Variants in ABCB4 observed in about 807,000 individuals in gnomAD.
ABCB4 encodes phosphatidylcholine translocator ABCB4.
Under a neutral mutation model 145.7 loss-of-function variants are expected in ABCB4, and 76 were observed. The observed-to-expected ratio is 0.52, with a 90% CI of 0.43 to 0.63. The LOEUF (loss-of-function observed/expected upper bound fraction) is 0.63. Among genes scored for constraint, ABCB4 ranks in the 30% least tolerant of loss-of-function variants. The probability of loss-of-function intolerance (pLI) is 0.00; values close to 1 mark genes in which losing one functional copy is unlikely to be tolerated. For missense variants in ABCB4, 1,234 were observed against 1,553.1 expected (o/e 0.79, Z 3.45); for synonymous variants, 517 against 566.8 (o/e 0.91, Z 1.25).
intron 2 of ABCB4, among the ~76,000 whole-genome samples, chr7:87,474,808 C>T (rs1412151573): frequency 1.3e-5 from 2 of 152,108 alleles, no homozygotes; most frequent in South Asian, 2.1e-4. Flanking sequence ...CCCCCTACCA[C>T]TTGAACAAAA....
At chr7:87,383,267 C>A in the ABCB4 span, among the ~76,000 whole-genome samples, 6 of 152,100 alleles carry the variant, frequency 3.9e-5, no homozygotes, top group Admixed American at 6.6e-5. Context: ...TCCTCTCCCC[C>A]CTACTCATCC....
intron 18 of ABCB4, 140 bp from the exon 19 acceptor site, chr7:87,420,215 G>A: frequency 1.3e-6 from 1 of 764,426 alleles, no homozygotes; most frequent in South Asian, 1.5e-5. Context: ...TTAATAACCT[G>A]AGCAGCCCCA....
At chr7:87,468,668 C>A (rs1035155647) in intron 3 of ABCB4, among the ~76,000 whole-genome samples, 2 of 152,132 alleles carry the variant, frequency 1.3e-5, no homozygotes, top group Non-Finnish European at 2.9e-5. Flanking sequence ...CGCGGTGGCT[C>A]ACGCCTATAA....
At position 87,443,720 on chromosome 7, in the gene ABCB4, T is replaced by G; in HGVS notation, c.1173A>C (p.Lys391Asn). Residue 391 changes from lysine (K) to asparagine (N), a missense_variant, in exon 11 of 28, where the codon AAA (lysine) becomes AAC (asparagine). Coordinates refer to ENST00000649586, the MANE Select transcript of ABCB4 (RefSeq NM_000443.4). ...GAACATCATTGAACTCCAAATTCCC[T>G]TTGATGCTGTCTGGTTTGTGTCCTC... ...SERGHKPDSI[K>N]GNLEFNDVHF... 6.2e-7 allele frequency: 1 copy of G among 1,614,028 alleles called. No homozygotes were observed. Among genetic ancestry groups the G allele is most frequent in the Non-Finnish European group, 8.5e-7 (1 of 1,179,934 alleles).
chr7:87,420,505 CT>C (rs1809342530), intron 18 of ABCB4, among the ~76,000 whole-genome samples: 1 of 152,200 alleles, frequency 6.6e-6, no homozygotes, highest in South Asian at 2.1e-4. Context: ...GAGCTTCTCA[CT>C]TGTGACAAGT....
At position 87,413,734 on chromosome 7, in the gene ABCB4, A is replaced by G; in HGVS notation, c.2683-17T>C. The G allele has an allele frequency of 6.6e-7, 1 of 1,510,148 alleles. No individual in the cohort carries two copies. The highest frequency in any genetic ancestry group is 1.7e-5 in the Admixed American group (1 of 59,910). 93.5% of individuals were successfully genotyped at this position (1,510,148 alleles called of 1,614,324 possible). ...TGTTGCAATCTGTAACACAGAATAG[A>G]CCTTCATTAGAAGTGGTGTTTTCAC... On this transcript the variant is annotated splice_polypyrimidine_tract_variant and intron_variant, in intron 21 of 27. Coordinates refer to ENST00000649586, the MANE Select transcript of ABCB4 (RefSeq NM_000443.4).
chr7:87,446,702 C>T (rs539456062), intron 9 of ABCB4, among the ~76,000 whole-genome samples: 5 of 152,298 alleles, frequency 3.3e-5, no homozygotes, highest in African/African-American at 7.2e-5. Flanking sequence ...ATGATGCTTA[C>T]TTTCTTATAC....
At chr7:87,465,582 G>A (rs1812814239) in intron 3 of ABCB4, among the ~76,000 whole-genome samples, 1 of 152,196 alleles carries the variant, frequency 6.6e-6, no homozygotes, top group Non-Finnish European at 1.5e-5. Flanking sequence ...TTTGAGATCT[G>A]AGAATGGACA....
chr7:87,413,017 C>T (rs1019849025), intron 22 of ABCB4, among the ~76,000 whole-genome samples: 4 of 152,192 alleles, frequency 2.6e-5, no homozygotes, highest in African/African-American at 9.7e-5. Flanking sequence ...CTGTTCCAGT[C>T]TGCAAAATTG....
chr7:87,475,945 T>C (rs1813793901), upstream of ABCB4, among the ~76,000 whole-genome samples: 1 of 152,126 alleles, frequency 6.6e-6, no homozygotes, highest in African/African-American at 2.4e-5. Context: ...GGTCGCAGGA[T>C]AAGACCGAGA....
chr7:87,375,625 C>G, the ABCB4 span: 2 of 1,605,102 alleles, frequency 1.2e-6, no homozygotes, highest in Non-Finnish European at 1.7e-6. Flanking sequence ...TTTTCATCTT[C>G]CATAAGACAA....
Position 87,431,528 on chromosome 7 carries a change from C to A in ABCB4, c.1769G>T (p.Arg590Leu). Residue 590 changes from arginine (R) to leucine (L), a missense_variant, in exon 15 of 28, where the codon CGA becomes CTA. By Grantham distance (102) the Arg-to-Leu change is moderately radical. This residue lies in a region of ABCB4 where 321 missense variants were observed against 332.6 expected (regional missense o/e 0.97). Transcript: ENST00000649586. The part of the protein sequence containing the change: ...EGRTTIVIAH[R>L]LSTVRNADVI... ...ATCTGCATTTCGGACCGTAGACAGT[C>A]GGTGTGCTATCACAATGGTGGTCCG... is the stretch of plus-strand genomic sequence containing the variant. 6.2e-7 allele frequency: 1 copy of A among 1,614,056 alleles called. No individual in the cohort carries two copies. Among genetic ancestry groups the A allele is most frequent in the Non-Finnish European group, 8.5e-7 (1 of 1,179,962 alleles).
In ABCB4 at chr7:87,445,121, A is replaced by G. The variant is rs1811260237; in HGVS notation, c.1006-146T>C. 1.2e-5 allele frequency: 8 copies of G among 649,796 alleles called. No individual in the cohort carries two copies. In the South Asian group the frequency reaches 1.5e-4, roughly 12 times the overall value. 40.3% of individuals were successfully genotyped at this position (649,796 alleles called of 1,614,324 possible). On this transcript the variant is annotated intron_variant, in intron 9 of 27. Coordinates refer to ENST00000649586, the MANE Select transcript of ABCB4 (RefSeq NM_000443.4). Reference sequence around the variant, plus strand: ...TTTTTTGTGGAAGAGCAACATTTGCAAGGCTAATATAGCATTTTATTGCCT... The same window carrying G: ...TTTTTTGTGGAAGAGCAACATTTGCGAGGCTAATATAGCATTTTATTGCCT...
At chr7:87,440,497 T>A (rs1810909015) in intron 12 of ABCB4, 95 bp from the exon 13 acceptor site, 1 of 1,068,122 alleles carries the variant, frequency 9.4e-7, no homozygotes, top group Non-Finnish European at 1.4e-6. Context: ...AATATTTAAC[T>A]TGGTTCAGTG....
downstream of ABCB4, among the ~76,000 whole-genome samples, chr7:87,400,759 C>T (rs879466040): frequency 6.6e-5 from 10 of 152,148 alleles, no homozygotes; most frequent in Admixed American, 5.9e-4. Flanking sequence ...GGATGCTCAG[C>T]CAGTGAGTAT....
At chr7:87,412,058 T>C (rs1808662565) in intron 22 of ABCB4, 25 bp from the exon 23 acceptor site, 1 of 1,612,954 alleles carries the variant, frequency 6.2e-7, no homozygotes, top group Non-Finnish European at 8.5e-7. Context: ...AGTATACTTG[T>C]AACCATCTCT....
intron 19 of ABCB4, among the ~76,000 whole-genome samples, chr7:87,419,770 A>G (rs979795236): frequency 7.4e-5 from 11 of 148,416 alleles, no homozygotes; most frequent in African/African-American, 2.5e-4. Context: ...AAGCTACCCA[A>G]ATAAAGCCTA....
rs1158630025 is a variant in ABCB4 at position 87,426,845 on chromosome 7, C to A, written c.1969G>T (p.Gly657Cys). 16 of 1,613,880 alleles carry A rather than the reference C, an allele frequency of 9.9e-6. No individual in the cohort carries two copies. Among genetic ancestry groups the A allele is most frequent in the Non-Finnish European group, 1.4e-5 (16 of 1,179,960 alleles). ...TGCCTAAATAGGCGAGATTTCCAGC[C>A]ATTTGGGGCCATTCTAGTGGCAGCC... is the stretch of plus-strand genomic sequence containing the variant. ...EKAATRMAPN[G>C]WKSRLFRHST... is the part of the protein sequence containing the mutation. Residue 657 changes from glycine to cysteine, a missense_variant, in exon 16 of 28, where the codon GGC becomes TGC. Coordinates refer to ENST00000649586, the MANE Select transcript of ABCB4 (RefSeq NM_000443.4).
At chr7:87,383,757 A>T in the ABCB4 span, among the ~76,000 whole-genome samples, 1 of 152,090 alleles carries the variant, frequency 6.6e-6, no homozygotes, top group Non-Finnish European at 1.5e-5. Context: ...TTGGCCTCCC[A>T]AAGTGCTGGG....
Sources: allele counts gnomAD v4.1 joint callset (sites outside exome capture counted in the v4.1 genomes callset), GRCh38; gene constraint gnomAD v4.1.1; regional missense constraint gnomAD v4.1.1; transcripts MANE v1.5; gene names NCBI Gene and HGNC (gene_info 2026-07-23, HGNC 2026-07-21).